Variants in ACSL1 observed in about 807,000 individuals in gnomAD.
The protein encoded by ACSL1 is acyl-CoA synthetase long chain family member 1.
ACSL1 carries 41 observed loss-of-function variants against 98.4 expected under a neutral mutation model. That is an observed-to-expected ratio of 0.42 (90% CI 0.32 to 0.54). ACSL1 has a LOEUF of 0.54. Ranked by LOEUF, ACSL1 falls within the 20% of genes least tolerant of loss-of-function variation. The probability of loss-of-function intolerance (pLI) is 0.13; values close to 1 mark genes in which losing one functional copy is unlikely to be tolerated. For missense variants in ACSL1, 734 were observed against 883.1 expected (o/e 0.83, Z 2.14); for synonymous variants, 316 against 322.7 (o/e 0.98, Z 0.22).
At chr4:184,814,461 C>A (rs1176744994) in intron 1 of ACSL1, among the ~76,000 whole-genome samples, 1 of 152,056 alleles carries the variant, frequency 6.6e-6, no homozygotes, top group Non-Finnish European at 1.5e-5. Context: ...ATACCCAAAA[C>A]CCCCAGGGAA....
intron 18 of ACSL1, among the ~76,000 whole-genome samples, chr4:184,759,773 T>TGGCG (rs1762611244): frequency 6.6e-6 from 1 of 152,240 alleles, no homozygotes; most frequent in East Asian, 1.9e-4. Context: ...GAAGTCAGTG[T>TGGCG]GGCGATTCCT....
At chr4:184,781,019 ACTTG>A (rs1274379192) in intron 4 of ACSL1, among the ~76,000 whole-genome samples, 2 of 83,072 alleles carry the variant, frequency 2.4e-5, no homozygotes, top group South Asian at 3.3e-4. Context: ...CAGGCAGATC[ACTTG>A]AGGGAGTTCG....
chr4:184,801,463 G>A (rs1233827482), intron 2 of ACSL1, among the ~76,000 whole-genome samples: 1 of 152,188 alleles, frequency 6.6e-6, no homozygotes, highest in African/African-American at 2.4e-5. Flanking sequence ...GCCCCCCGCA[G>A]CAGTGCCAGA....
At chr4:184,821,407 A>C (rs562448802) in intron 1 of ACSL1, 1 of 188,442 alleles carries the variant, frequency 5.3e-6, no homozygotes, top group African/African-American at 2.4e-5. Flanking sequence ...GATAGAGCCT[A>C]CATTTATCAG....
chr4:184,825,299 T>G lies in ACSL1; in HGVS notation c.-33+617A>C. 1.0e-6 allele frequency: 1 copy of G among 963,726 alleles called. No homozygotes were observed. The highest frequency in any genetic ancestry group is 1.2e-6 in the Non-Finnish European group (1 of 810,202). The allele number at this position is 963,726 out of a possible 1,614,324, so 59.7% of individuals were successfully genotyped here. ...AATTTCAAAAAATGCCAGCACTCCT[T>G]AGATCAATGACTCCACGGCCAAGTG... On this transcript the variant is annotated intron_variant, in intron 1 of 20. Coordinates refer to ENST00000281455, the MANE Select transcript of ACSL1 (RefSeq NM_001995.5). The surrounding 1 kb of genome is among the most constrained non-coding windows in gnomAD (Gnocchi z 4.7).
intron 4 of ACSL1, among the ~76,000 whole-genome samples, chr4:184,782,943 G>C (rs1278751063): frequency 6.6e-6 from 1 of 152,146 alleles, no homozygotes; most frequent in Non-Finnish European, 1.5e-5. Flanking sequence ...AAATACACCA[G>C]CTCCTAAGCT....
intron 1 of ACSL1, among the ~76,000 whole-genome samples, chr4:184,818,131 C>T (rs1475929068): frequency 6.6e-6 from 1 of 152,170 alleles, no homozygotes; most frequent in Non-Finnish European, 1.5e-5. Context: ...CCCGCCAGCT[C>T]CCCATCCTGG....
At chr4:184,796,615 T>G (rs1179216343) in intron 2 of ACSL1, among the ~76,000 whole-genome samples, 1 of 152,210 alleles carries the variant, frequency 6.6e-6, no homozygotes, top group Non-Finnish European at 1.5e-5. Flanking sequence ...TGCAATCACA[T>G]ATGGTAATAA....
In ACSL1 at chr4:184,811,402, G is replaced by A. The variant is rs71622981; in HGVS notation, c.-32-7856C>T. On this transcript the variant is annotated intron_variant, in intron 1 of 20. Transcript: ENST00000281455. ...GCTGGGATTACAGGTGTGAGCCACC[G>A]CGCCCAGCTGCACAATGCTTTAAGA... Among the ~76,000 whole-genome samples the A allele has an allele frequency of 7.2e-3, 1,102 of 152,112 alleles. 7 individuals carry two copies. Among genetic ancestry groups the A allele is most frequent in the East Asian group, 0.015 (80 of 5,176 alleles).
At chr4:184,768,486 C>G (rs746539501) in intron 11 of ACSL1, 36 bp from the exon 12 acceptor site, 3 of 1,595,556 alleles carry the variant, frequency 1.9e-6, no homozygotes. Flanking sequence ...CATTTTATCA[C>G]CACAGCAGGG....
At chr4:184,816,632 A>G (rs1234106280) in intron 1 of ACSL1, among the ~76,000 whole-genome samples, 1 of 152,174 alleles carries the variant, frequency 6.6e-6, no homozygotes, top group African/African-American at 2.4e-5. Context: ...ACAGAAGTAT[A>G]ATAAAACTAT....
chr4:184,770,278 G>T (rs1289446439), intron 11 of ACSL1, 121 bp downstream of exon 11: 1 of 1,546,984 alleles, frequency 6.5e-7, no homozygotes, highest in South Asian at 1.2e-5. Context: ...TCATAAATGT[G>T]AGCAAGTGGT....
chr4:184,775,660 C>T (rs1765180669), intron 7 of ACSL1, among the ~76,000 whole-genome samples: 1 of 152,170 alleles, frequency 6.6e-6, no homozygotes, highest in South Asian at 2.1e-4. Context: ...TACTGGGTTC[C>T]TCAGGAAAGG....
At chr4:184,794,770 A>G (rs1769052127) in intron 2 of ACSL1, among the ~76,000 whole-genome samples, 2 of 152,142 alleles carry the variant, frequency 1.3e-5, no homozygotes, top group Admixed American at 6.5e-5. Flanking sequence ...CTGTGTGTGG[A>G]GACATCCTTC....
intron 1 of ACSL1, chr4:184,821,053 C>T (rs1410051559): frequency 4.4e-6 from 2 of 456,162 alleles, no homozygotes; most frequent in Non-Finnish European, 8.8e-6. Flanking sequence ...GTAAGGATAG[C>T]AGCAGGACCT....
chr4:184,765,713 T>C (rs1763493149), intron 14 of ACSL1, among the ~76,000 whole-genome samples, 178 bp downstream of exon 14: 1 of 152,170 alleles, frequency 6.6e-6, no homozygotes, highest in Admixed American at 6.5e-5. Context: ...ATTTAGCCAT[T>C]CCACAATGTT....
chr4:184,814,807 T>C (rs111872414), intron 1 of ACSL1, among the ~76,000 whole-genome samples: 206 of 152,272 alleles, frequency 1.4e-3, no homozygotes, highest in African/African-American at 4.7e-3. Flanking sequence ...TATGTAGCTA[T>C]GCTTTGCCCC....
In ACSL1 at chr4:184,762,596, T is replaced by C. The variant is rs547521389; in HGVS notation, c.1522-73A>G. 266 of 1,287,880 alleles carry C rather than the reference T, an allele frequency of 2.1e-4. No individual in the cohort carries two copies. The African/African-American group carries it at 3.2e-3, about 15-fold the overall frequency. 79.8% of individuals were successfully genotyped at this position (1,287,880 alleles called of 1,614,324 possible). A position where few individuals can be genotyped will look rare whatever the true frequency, so the allele number is the denominator to read the frequency against. Reference sequence around the variant, plus strand: ...CAGAGAAAACTGGTGTGTGCATGTGTGTACGTGTGTGTCTGCCCCAACCTT... The same window carrying C: ...CAGAGAAAACTGGTGTGTGCATGTGCGTACGTGTGTGTCTGCCCCAACCTT... On this transcript the variant is annotated intron_variant, in intron 16 of 20. Transcript: ENST00000281455.
At chr4:184,792,976 A>G (rs541642622) in intron 2 of ACSL1, among the ~76,000 whole-genome samples, 184 of 152,284 alleles carry the variant, frequency 1.2e-3, no homozygotes, top group African/African-American at 4.2e-3. Context: ...TAAATGAAAA[A>G]TAGCTTAAAT....
Sources: allele counts gnomAD v4.1 joint callset (sites outside exome capture counted in the v4.1 genomes callset), GRCh38; gene constraint gnomAD v4.1.1; non-coding constraint Gnocchi (gnomAD v3.1); transcripts MANE v1.5; gene names NCBI Gene and HGNC (gene_info 2026-07-23, HGNC 2026-07-21).